The following TMEM132B variants were observed in gnomAD, a reference collection of about 807,000 sequenced individuals.
TMEM132B encodes transmembrane protein 132B.
In TMEM132B, 18 loss-of-function variants were observed where a neutral mutation model predicts 90.8. That is an observed-to-expected ratio of 0.20 (90% CI 0.14 to 0.29). The LOEUF (loss-of-function observed/expected upper bound fraction) is 0.29. Among genes scored for constraint, TMEM132B ranks in the 10% least tolerant of loss-of-function variants. TMEM132B has a pLI of 1.00. For missense variants in TMEM132B, 1,096 were observed against 1,326.8 expected (o/e 0.83, Z 2.70); for synonymous variants, 504 against 523.3 (o/e 0.96, Z 0.50).
chr12:125,528,910 T>A (rs1883566776), intron 4 of TMEM132B, among the ~76,000 whole-genome samples: 1 of 152,158 alleles, frequency 6.6e-6, no homozygotes, highest in Non-Finnish European at 1.5e-5. Context: ...ATGATTCAGG[T>A]GTGTTACATT....
chr12:125,212,978 G>A (rs1435280000), intron 1 of TMEM132B, among the ~76,000 whole-genome samples: 1 of 152,060 alleles, frequency 6.6e-6, no homozygotes, highest in African/African-American at 2.4e-5. Context: ...CAAGTCCGTG[G>A]CATTTGGTAC....
At chr12:125,414,706 C>G (rs1252994026) in intron 2 of TMEM132B, among the ~76,000 whole-genome samples, 1 of 152,160 alleles carries the variant, frequency 6.6e-6, no homozygotes, top group Non-Finnish European at 1.5e-5. Context: ...GCAGTGGGCA[C>G]CCCACGGCCT....
intron 3 of TMEM132B, among the ~76,000 whole-genome samples, chr12:125,489,797 C>T (rs1377903741): frequency 6.6e-6 from 1 of 152,160 alleles, no homozygotes; most frequent in Non-Finnish European, 1.5e-5. Context: ...TAAATATTTT[C>T]TGACTTATTT....
intron 2 of TMEM132B, among the ~76,000 whole-genome samples, chr12:125,405,795 C>T (rs1052543384): frequency 6.6e-6 from 1 of 152,170 alleles, no homozygotes; most frequent in Non-Finnish European, 1.5e-5. Context: ...ACAGGTAAAG[C>T]ACGAGAAAAT....
At chr12:125,618,036 T>A (rs1160990315) in intron 5 of TMEM132B, among the ~76,000 whole-genome samples, 2 of 152,068 alleles carry the variant, frequency 1.3e-5, no homozygotes, top group Non-Finnish European at 2.9e-5. Flanking sequence ...AAAGACTGAG[T>A]TCCTTTAGGG....
At chr12:125,619,047 C>T (rs575705021) in intron 5 of TMEM132B, among the ~76,000 whole-genome samples, 7 of 152,116 alleles carry the variant, frequency 4.6e-5, no homozygotes, top group Non-Finnish European at 8.8e-5. Context: ...GTGGTAGAGG[C>T]AGTGGGAAGT....
chr12:125,547,955 T>C (rs1884131998), intron 4 of TMEM132B, among the ~76,000 whole-genome samples: 1 of 152,218 alleles, frequency 6.6e-6, no homozygotes, highest in Admixed American at 6.5e-5. Context: ...CCTGCTGCTT[T>C]TGAGATTCCT....
intron 3 of TMEM132B, among the ~76,000 whole-genome samples, chr12:125,465,715 G>A (rs971795825): frequency 6.6e-6 from 1 of 152,150 alleles, no homozygotes; most frequent in Non-Finnish European, 1.5e-5. Context: ...TTGCTTAATA[G>A]GCCATCTGGT....
intron 5 of TMEM132B, among the ~76,000 whole-genome samples, chr12:125,642,197 T>C (rs1194137010): frequency 6.6e-6 from 1 of 152,154 alleles, no homozygotes; most frequent in Non-Finnish European, 1.5e-5. Context: ...TGGATGGCAG[T>C]CAGGCTCAGC....
chr12:125,351,316 C>T (rs1302299380), intron 2 of TMEM132B, among the ~76,000 whole-genome samples: 1 of 152,120 alleles, frequency 6.6e-6, no homozygotes, highest in African/African-American at 2.4e-5. Flanking sequence ...GTTTGCCAAC[C>T]CCTGCAATAT....
At chr12:125,366,476 G>A (rs1878137193) in intron 2 of TMEM132B, among the ~76,000 whole-genome samples, 1 of 152,114 alleles carries the variant, frequency 6.6e-6, no homozygotes, top group Non-Finnish European at 1.5e-5. Flanking sequence ...GGGTGAGATG[G>A]TGAGATGTTT....
At chr12:125,364,145 G>A (rs1221449514) in intron 2 of TMEM132B, among the ~76,000 whole-genome samples, 1 of 152,160 alleles carries the variant, frequency 6.6e-6, no homozygotes, top group African/African-American at 2.4e-5. Flanking sequence ...CAAGGGACTG[G>A]TTATCTCTGG....
chr12:125,396,282 G>A (rs1383450748), intron 2 of TMEM132B, among the ~76,000 whole-genome samples: 1 of 152,148 alleles, frequency 6.6e-6, no homozygotes, highest in African/African-American at 2.4e-5. Context: ...CTAGTTCTCA[G>A]TCTTCCCCTG....
Position 125,654,055 on chromosome 12 carries a change from T to G in TMEM132B, c.2597T>G (p.Leu866Arg). 1 of 1,614,058 alleles carries G rather than the reference T, an allele frequency of 6.2e-7. No individual in the cohort carries two copies. Among genetic ancestry groups the G allele is most frequent in the South Asian group, 1.1e-5 (1 of 91,072 alleles). The part of the protein sequence containing the change: ...QSPMEGKNKL[L>R]KSGGPDAFTS... Reference sequence around the variant, plus strand: ...CCCATGGAAGGGAAGAATAAGTTACTCAAAAGTGGTGGTCCAGATGCCTTT... The same window carrying G: ...CCCATGGAAGGGAAGAATAAGTTACGCAAAAGTGGTGGTCCAGATGCCTTT... Residue 866 changes from leucine (L) to arginine (R), a missense_variant, in exon 9 of 9, where the codon CTC (leucine) becomes CGC (arginine). Physicochemically the swap from Leu to Arg is moderately radical, Grantham distance 102. Transcript: ENST00000682704. The surrounding 1 kb of genome is among the most constrained non-coding windows in gnomAD (Gnocchi z 5.8).
chr12:125,554,932 G>T (rs1259480719), intron 4 of TMEM132B, among the ~76,000 whole-genome samples: 1 of 152,170 alleles, frequency 6.6e-6, no homozygotes, highest in Non-Finnish European at 1.5e-5. Flanking sequence ...GTGTGTGTCA[G>T]GTGGTTTTAT....
rs1437725178 is a variant in TMEM132B, at chr12:125,459,628, CAAT to C, written c.1106+43958_1106+43960del. 6.6e-6 allele frequency among the ~76,000 whole-genome samples: 1 copy of C among 152,162 alleles called. No homozygotes were observed. Among genetic ancestry groups the C allele is most frequent in the East Asian group, 1.9e-4 (1 of 5,176 alleles). The stretch of plus-strand genomic sequence containing the variant: ...GATAGCACAACAGGGTGACTGTAGT[CAAT>C]AATAATTTAATTGTATGTTTTAAAA... On this transcript the variant is annotated intron_variant, in intron 3 of 8. Coordinates refer to ENST00000682704, the MANE Select transcript of TMEM132B (RefSeq NM_001366854.1). This position sits in a 1 kb window ranked among gnomAD's most constrained non-coding sequence, Gnocchi z 4.1.
At chr12:125,468,034 A>G (rs566479384) in intron 3 of TMEM132B, among the ~76,000 whole-genome samples, 2 of 151,806 alleles carry the variant, frequency 1.3e-5, no homozygotes, top group East Asian at 4.2e-4. Context: ...GGTTATTTCC[A>G]TCTTTTGGCT....
chr12:125,218,115 T>A (rs1393599455), intron 1 of TMEM132B, among the ~76,000 whole-genome samples: 1 of 152,150 alleles, frequency 6.6e-6, no homozygotes, highest in Non-Finnish European at 1.5e-5. Flanking sequence ...TGTATATGTT[T>A]GCAAATAGGT....
At chr12:125,302,535 A>G (rs930728729) in intron 1 of TMEM132B, among the ~76,000 whole-genome samples, 1 of 152,162 alleles carries the variant, frequency 6.6e-6, no homozygotes, top group African/African-American at 2.4e-5. Flanking sequence ...GCCAGTACAG[A>G]CACACAATCT....
Sources: gnomAD v4.1 joint callset for allele counts (sites outside exome capture counted in the v4.1 genomes callset) on GRCh38, gnomAD v4.1.1 for gene constraint, Gnocchi (gnomAD v3.1) non-coding constraint, MANE v1.5 for transcripts, NCBI Gene and HGNC (gene_info 2026-07-23, HGNC 2026-07-21) for gene names.